Variants in KCNJ15 observed in about 807,000 individuals in gnomAD.
KCNJ15 encodes potassium inwardly rectifying channel subfamily J member 15.
In KCNJ15, 14 loss-of-function variants were observed where a neutral mutation model predicts 23.0. The ratio of observed to expected loss-of-function variants is 0.61; its 90% CI spans 0.40 to 0.95. The LOEUF (loss-of-function observed/expected upper bound fraction) is 0.95, where lower values mean the gene tolerates loss of function less well. Ranked by LOEUF, KCNJ15 falls within the 40% of genes least tolerant of loss-of-function variation. The pLI, the probability that KCNJ15 is intolerant of heterozygous loss-of-function variation, is 0.00. For synonymous variants in KCNJ15, 185 were observed against 183.2 expected (o/e 1.01, Z -0.08); for missense variants, 388 against 461.8 (o/e 0.84, Z 1.46).
chr21:38,256,360 T>TTATATACATATATATATATATATATA (rs1980231081), upstream of KCNJ15, among the ~76,000 whole-genome samples: 1 of 106,236 alleles, frequency 9.4e-6, no homozygotes. Context: ...TCTATTCAGC[T>TTATATACATATATATATATATATATA]TATATATATA....
At position 38,305,411 on chromosome 21, in the gene KCNJ15, C is replaced by T. The variant is rs1423704340; in HGVS notation, c.*5022C>T. 6.6e-6 allele frequency: 1 copy of T among 152,066 alleles called. No homozygotes were observed. Among genetic ancestry groups the T allele is most frequent in the Non-Finnish European group, 1.5e-5 (1 of 68,014 alleles). The allele number at this position is 152,066 out of a possible 1,614,324, so 9.4% of individuals were successfully genotyped here. ...GTAAAAATAGAAGACCAAGAGAAGGCGGTTGATTGGAGTTGATACTTAATA... is the reference window on the plus strand; with the variant it reads ...GTAAAAATAGAAGACCAAGAGAAGGTGGTTGATTGGAGTTGATACTTAATA... On this transcript the variant is annotated 3_prime_UTR_variant, in exon 3 of 3. Coordinates refer to ENST00000398938, the MANE Select transcript of KCNJ15 (RefSeq NM_170736.3).
intron 1 of KCNJ15, among the ~76,000 whole-genome samples, chr21:38,274,249 C>T (rs148595004): frequency 6.6e-6 from 1 of 152,334 alleles, no homozygotes; most frequent in African/African-American, 2.4e-5. Flanking sequence ...ATCCTTTCTT[C>T]ATCTCTTGTT....
At chr21:38,288,026 C>CTTTCTTTTTTTTTTTTT (rs1171718120) in intron 1 of KCNJ15, among the ~76,000 whole-genome samples, 1 of 78,170 alleles carries the variant, frequency 1.3e-5, no homozygotes, top group Non-Finnish European at 2.3e-5. Context: ...TTGTTTTTTT[C>CTTTCTTTTTTTTTTTTT]TTTGTTTTTT....
intron 1 of KCNJ15, among the ~76,000 whole-genome samples, chr21:38,240,092 C>A (rs898241789): frequency 2.6e-5 from 4 of 152,036 alleles, no homozygotes; most frequent in Admixed American, 6.6e-5. Flanking sequence ...TTTATGGGTT[C>A]TTTCTACCTC....
intron 1 of KCNJ15, among the ~76,000 whole-genome samples, chr21:38,238,819 G>A (rs1410213853): frequency 2.0e-5 from 3 of 152,230 alleles, no homozygotes; most frequent in East Asian, 1.9e-4. Context: ...AGAGCGTGGT[G>A]TAGAAAAACA....
chr21:38,277,095 GA>G (rs1184226737), intron 1 of KCNJ15, among the ~76,000 whole-genome samples: 27 of 141,554 alleles, frequency 1.9e-4, no homozygotes, highest in East Asian at 1.0e-3. Context: ...CACCAAAAAA[GA>G]AAAAAAAAAG....
intron 1 of KCNJ15, among the ~76,000 whole-genome samples, chr21:38,232,789 T>G (rs1978359047): frequency 6.6e-6 from 1 of 151,952 alleles, no homozygotes; most frequent in South Asian, 2.1e-4. Context: ...ATTTCTGATT[T>G]GATTCCAATG....
intron 1 of KCNJ15, among the ~76,000 whole-genome samples, chr21:38,270,672 C>A (rs971807230): frequency 6.6e-6 from 1 of 152,068 alleles, no homozygotes; most frequent in Non-Finnish European, 1.5e-5. Flanking sequence ...ATGCCCAACA[C>A]GAAGTTGAAC....
At chr21:38,237,961 G>T (rs200220623) in intron 1 of KCNJ15, among the ~76,000 whole-genome samples, 7 of 107,860 alleles carry the variant, frequency 6.5e-5, no homozygotes, top group Non-Finnish European at 1.3e-4. Context: ...ACAACAACAA[G>T]AACAACAGTA....
At chr21:38,234,974 T>G (rs568755124) in intron 1 of KCNJ15, among the ~76,000 whole-genome samples, 27 of 152,154 alleles carry the variant, frequency 1.8e-4, no homozygotes, top group Non-Finnish European at 3.4e-4. Context: ...TAGATCACTT[T>G]CTCCATGCTC....
At chr21:38,249,098 A>G (rs568461908) in intron 1 of KCNJ15, among the ~76,000 whole-genome samples, 1 of 152,196 alleles carries the variant, frequency 6.6e-6, no homozygotes, top group South Asian at 2.1e-4. Flanking sequence ...CTTGCCAGAA[A>G]GAAAGAATAT....
upstream of KCNJ15, among the ~76,000 whole-genome samples, chr21:38,254,610 C>G (rs1017214750): frequency 1.3e-5 from 2 of 152,118 alleles, no homozygotes; most frequent in African/African-American, 4.8e-5. Flanking sequence ...CATATGTATG[C>G]TCAAAATATA....
At chr21:38,239,457 G>A (rs1450839293) in intron 1 of KCNJ15, among the ~76,000 whole-genome samples, 2 of 152,100 alleles carry the variant, frequency 1.3e-5, no homozygotes, top group Admixed American at 1.3e-4. Context: ...CTCTTCTGGG[G>A]TCCTGATTTA....
In KCNJ15 at chr21:38,299,045, C is replaced by T. The variant is rs371132288; in HGVS notation, c.-18-199C>T. 6.6e-6 allele frequency among the ~76,000 whole-genome samples: 1 copy of T among 152,148 alleles called. No individual in the cohort carries two copies. The highest frequency in any genetic ancestry group is 1.5e-5 in the Non-Finnish European group (1 of 68,022). On this transcript the variant is annotated intron_variant, in intron 2 of 2. Transcript: ENST00000398938. The surrounding 1 kb of genome is among the most constrained non-coding windows in gnomAD (Gnocchi z 4.5). ...GAATTGCAGAGTCAGCATTTAACCCCGGTCTGCTTTTCTGCAAAGCCTCTG... is the reference window on the plus strand; with the variant it reads ...GAATTGCAGAGTCAGCATTTAACCCTGGTCTGCTTTTCTGCAAAGCCTCTG...
Position 38,259,668 on chromosome 21 carries a change from C to G in KCNJ15, c.-117+2483C>G, listed in dbSNP as rs1399916142. Reference sequence around the variant, plus strand: ...ACAGAGGTTATTGTCTACCTTCTCTCTCTTCTGTCCTTTACCTTTATCTCA... The same window carrying G: ...ACAGAGGTTATTGTCTACCTTCTCTGTCTTCTGTCCTTTACCTTTATCTCA... On this transcript the variant is annotated intron_variant, in intron 1 of 2. Coordinates refer to ENST00000398938, the MANE Select transcript of KCNJ15 (RefSeq NM_170736.3). Among the ~76,000 whole-genome samples the G allele has an allele frequency of 2.0e-5, 3 of 152,224 alleles. No homozygotes were observed. The East Asian group carries it at 5.8e-4, about 29-fold the overall frequency.
intron 1 of KCNJ15, among the ~76,000 whole-genome samples, chr21:38,247,184 A>AGATG (rs1979460971): frequency 6.9e-6 from 1 of 144,552 alleles, no homozygotes; most frequent in Admixed American, 6.9e-5. Flanking sequence ...ATGGATGGAC[A>AGATG]GATGGATGGA....
intron 1 of KCNJ15, among the ~76,000 whole-genome samples, chr21:38,248,392 A>C (rs989870905): frequency 6.6e-6 from 1 of 152,346 alleles, no homozygotes; most frequent in African/African-American, 2.4e-5. Context: ...ACTTCAGGAA[A>C]ACTGGCATGA....
intron 1 of KCNJ15, among the ~76,000 whole-genome samples, chr21:38,251,458 C>T (rs1979827165): frequency 6.6e-6 from 1 of 152,210 alleles, no homozygotes; most frequent in Admixed American, 6.5e-5. Flanking sequence ...GACCTAGAAT[C>T]ACCAACTAAC....
chr21:38,294,539 A>T (rs961439801), intron 1 of KCNJ15, among the ~76,000 whole-genome samples: 1 of 152,178 alleles, frequency 6.6e-6, no homozygotes, highest in African/African-American at 2.4e-5. Context: ...TGAAACGCAG[A>T]ATGAAGTTTT....
Sources: gnomAD v4.1 joint callset for allele counts (sites outside exome capture counted in the v4.1 genomes callset) on GRCh38, gnomAD v4.1.1 for gene constraint, Gnocchi (gnomAD v3.1) non-coding constraint, MANE v1.5 for transcripts, NCBI Gene and HGNC (gene_info 2026-07-23, HGNC 2026-07-21) for gene names.